The following GRM8 variants were observed in gnomAD, a reference collection of about 807,000 sequenced individuals.
GRM8 encodes metabotropic glutamate receptor 8.
A neutral mutation model predicts 87.2 loss-of-function variants in GRM8; 47 were observed. That is an observed-to-expected ratio of 0.54 (90% CI 0.43 to 0.69). The LOEUF is 0.69. Ranked by LOEUF, GRM8 falls within the 30% of genes least tolerant of loss-of-function variation. The pLI, the probability that GRM8 is intolerant of heterozygous loss-of-function variation, is 0.00. For missense variants in GRM8, 1,019 were observed against 1,139.2 expected (o/e 0.89, Z 1.52); for synonymous variants, 396 against 404.5 (o/e 0.98, Z 0.25).
chr7:127,050,842 G>A (rs1409053723), intron 3 of GRM8, among the ~76,000 whole-genome samples: 2 of 152,190 alleles, frequency 1.3e-5, no homozygotes, highest in Non-Finnish European at 2.9e-5. Context: ...AGGAATGACT[G>A]CTTTTCTCAT....
Position 126,585,306 on chromosome 7 carries a change from T to G in GRM8, c.1494+24056A>C, listed in dbSNP as rs1472354558. Among the ~76,000 whole-genome samples, 6 of 152,318 alleles carry G rather than the reference T, an allele frequency of 3.9e-5. No homozygotes were observed. In the East Asian group the frequency reaches 1.2e-3, roughly 29 times the overall value. On this transcript the variant is annotated intron_variant, in intron 8 of 10. Coordinates refer to ENST00000339582, the MANE Select transcript of GRM8 (RefSeq NM_000845.3). ...TTAAACAATAAGGCATAAACCCATC[T>G]GAGTATTAGTGAGAATTAAAAACAC... is the stretch of plus-strand genomic sequence containing the variant.
At chr7:126,516,907 A>G (rs947166177) in intron 9 of GRM8, among the ~76,000 whole-genome samples, 1 of 152,102 alleles carries the variant, frequency 6.6e-6, no homozygotes, top group Non-Finnish European at 1.5e-5. Context: ...TTAAAAAAAC[A>G]CATATTTAAA....
chr7:126,776,377 A>G (rs1173507542), intron 6 of GRM8, among the ~76,000 whole-genome samples: 1 of 152,120 alleles, frequency 6.6e-6, no homozygotes, highest in Non-Finnish European at 1.5e-5. Context: ...CAGGGTTCTG[A>G]TGCTAGGTAG....
intron 7 of GRM8, among the ~76,000 whole-genome samples, chr7:126,649,795 G>A (rs1585368146): frequency 6.6e-6 from 1 of 152,182 alleles, no homozygotes; most frequent in African/African-American, 2.4e-5. Flanking sequence ...GTTTTGAGTG[G>A]TGTCCAGAAC....
intron 3 of GRM8, among the ~76,000 whole-genome samples, chr7:127,092,566 G>A (rs940658585): frequency 6.6e-6 from 1 of 152,184 alleles, no homozygotes; most frequent in African/African-American, 2.4e-5. Context: ...AGCTAGCTGG[G>A]TGTGGTGGTG....
chr7:127,206,640 C>G (rs976654782), intron 2 of GRM8, among the ~76,000 whole-genome samples: 6 of 145,382 alleles, frequency 4.1e-5, no homozygotes, highest in Middle Eastern at 3.5e-3. Context: ...CTCCCAGGCA[C>G]ATGCATGTCA....
At position 126,646,287 on chromosome 7, in the gene GRM8, G is replaced by GAAGGAAGGAAGGAAGGAAGA. The variant is rs1252665293; in HGVS notation, c.1358-36790_1358-36789insTCTTCCTTCCTTCCTTCCTT. Among the ~76,000 whole-genome samples the GAAGGAAGGAAGGAAGGAAGA allele has an allele frequency of 8.6e-5, 13 of 151,116 alleles. No homozygotes were observed. In the East Asian group the frequency reaches 2.2e-3, roughly 25 times the overall value. On this transcript the variant is annotated intron_variant, in intron 7 of 10. Transcript: ENST00000339582. ...AGAAGGAAGGAAGGAAGGAAGGAAG[G>GAAGGAAGGAAGGAAGGAAGA]AAGGAAGGAAGGAAGGAAAGAAGGA... is the stretch of plus-strand genomic sequence containing the variant.
intron 3 of GRM8, among the ~76,000 whole-genome samples, chr7:126,908,998 T>C (rs1361411367): frequency 6.6e-6 from 1 of 152,230 alleles, no homozygotes; most frequent in Non-Finnish European, 1.5e-5. Context: ...TCTTTCTTCA[T>C]ATCAGTCAAA....
At chr7:126,548,494 C>CA (rs1249648255) in intron 8 of GRM8, among the ~76,000 whole-genome samples, 1 of 151,560 alleles carries the variant, frequency 6.6e-6, no homozygotes, top group East Asian at 1.9e-4. Context: ...ATAAGGACAA[C>CA]AAAAAAAATT....
intron 6 of GRM8, among the ~76,000 whole-genome samples, chr7:126,799,498 G>T (rs1299525148): frequency 2.0e-5 from 3 of 152,052 alleles, no homozygotes; most frequent in Admixed American, 2.0e-4. Context: ...TATGAGTAAG[G>T]TCAGACAACC....
At chr7:126,510,536 G>A (rs565487270) in intron 9 of GRM8, among the ~76,000 whole-genome samples, 57 of 151,174 alleles carry the variant, frequency 3.8e-4, no homozygotes, top group Non-Finnish European at 4.0e-4. Flanking sequence ...GACTTTTGAA[G>A]GAAATAAGCA....
At chr7:127,186,135 G>C (rs1488198181) in intron 2 of GRM8, among the ~76,000 whole-genome samples, 1 of 152,078 alleles carries the variant, frequency 6.6e-6, no homozygotes, top group Non-Finnish European at 1.5e-5. Flanking sequence ...ATAAACCACG[G>C]CTAAAGAGAT....
chr7:126,607,660 A>G (rs1798492413), intron 8 of GRM8, among the ~76,000 whole-genome samples: 1 of 152,142 alleles, frequency 6.6e-6, no homozygotes, highest in African/African-American at 2.4e-5. Flanking sequence ...GAAGCATTTT[A>G]AAAACATCCT....
intron 7 of GRM8, among the ~76,000 whole-genome samples, chr7:126,747,347 C>T (rs1454516368): frequency 6.6e-6 from 1 of 151,960 alleles, no homozygotes; most frequent in African/African-American, 2.4e-5. Flanking sequence ...CATTCCTAGC[C>T]ACTTGCCCTA....
intron 2 of GRM8, among the ~76,000 whole-genome samples, chr7:127,165,711 A>C (rs1793412963): frequency 6.6e-6 from 1 of 152,014 alleles, no homozygotes; most frequent in African/African-American, 2.4e-5. Context: ...CCTGCCTTAC[A>C]CCTTTAAACT....
chr7:127,223,069 G>T (rs915871695), intron 2 of GRM8, among the ~76,000 whole-genome samples: 4 of 152,180 alleles, frequency 2.6e-5, no homozygotes, highest in Non-Finnish European at 5.9e-5. Context: ...TGACAGGAAG[G>T]CAGAGTAAAT....
chr7:126,953,228 G>C (rs187551276), intron 3 of GRM8, among the ~76,000 whole-genome samples: 11 of 151,988 alleles, frequency 7.2e-5, no homozygotes, highest in Admixed American at 6.5e-4. Context: ...AAATTATACC[G>C]GGGAAACCAC....
At chr7:126,765,566 G>A (rs1269405599) in intron 7 of GRM8, among the ~76,000 whole-genome samples, 6 of 151,950 alleles carry the variant, frequency 3.9e-5, no homozygotes, top group Admixed American at 3.9e-4. Flanking sequence ...CATAGCAACA[G>A]AAAAATCTTT....
intron 3 of GRM8, among the ~76,000 whole-genome samples, chr7:127,001,839 A>G (rs952523522): frequency 6.6e-6 from 1 of 151,680 alleles, no homozygotes; most frequent in African/African-American, 2.4e-5. Context: ...CTTTCAATGG[A>G]ATACTACTAG....
Sources: gnomAD v4.1 joint callset for allele counts (sites outside exome capture counted in the v4.1 genomes callset) on GRCh38, gnomAD v4.1.1 for gene constraint, MANE v1.5 for transcripts, NCBI Gene and HGNC (gene_info 2026-07-23, HGNC 2026-07-21) for gene names.